ZNF608: variants seen among roughly 807,000 people sequenced by gnomAD.
The protein encoded by ZNF608 is zinc finger protein 608, also known as renal carcinoma antigen NY-REN-36.
A neutral mutation model predicts 109.0 loss-of-function variants in ZNF608; 12 were observed. The ratio of observed to expected loss-of-function variants is 0.11; its 90% CI spans 0.07 to 0.18. The LOEUF is 0.18. Among genes scored for constraint, ZNF608 ranks in the 10% least tolerant of loss-of-function variants. The pLI is 1.00. For missense variants in ZNF608, 1,707 were observed against 1,879.3 expected (o/e 0.91, Z 1.70); for synonymous variants, 732 against 717.4 (o/e 1.02, Z -0.33).
intron 2 of ZNF608, among the ~76,000 whole-genome samples, chr5:124,734,295 C>CA (rs774838670): frequency 1.3e-5 from 2 of 152,126 alleles, no homozygotes; most frequent in African/African-American, 2.4e-5. Flanking sequence ...CTTGAGAAAG[C>CA]AGTCTTTAAG....
intron 2 of ZNF608, among the ~76,000 whole-genome samples, chr5:124,715,176 T>A (rs1753643370): frequency 6.6e-6 from 1 of 152,142 alleles, no homozygotes; most frequent in South Asian, 2.1e-4. Flanking sequence ...ATGAAAATGG[T>A]CTCAAAAGAA....
intron 2 of ZNF608, among the ~76,000 whole-genome samples, chr5:124,736,193 G>A (rs1749132875): frequency 6.6e-6 from 1 of 152,148 alleles, no homozygotes; most frequent in African/African-American, 2.4e-5. Flanking sequence ...ACTAAAGCAC[G>A]GGAACACATA....
chr5:124,694,724 C>G (rs1216533462), intron 3 of ZNF608, among the ~76,000 whole-genome samples: 1 of 148,746 alleles, frequency 6.7e-6, no homozygotes, highest in Non-Finnish European at 1.5e-5. Context: ...CTCCCCCCTC[C>G]CCCACCCCAT....
chr5:124,643,687 C>T lies in ZNF608; in HGVS notation c.4124-4G>A, dbSNP rs758480161. Reference sequence around the variant, plus strand: ...AATCCTGGAGAGAGATATGCCCCTGCAGATAAACAACAAATGCCACATCAA... The same window carrying T: ...AATCCTGGAGAGAGATATGCCCCTGTAGATAAACAACAAATGCCACATCAA... On this transcript the variant is annotated splice_region_variant and splice_polypyrimidine_tract_variant and intron_variant, in intron 6 of 9. Transcript: ENST00000513986. 6.2e-7 allele frequency: 1 copy of T among 1,613,524 alleles called. No individual in the cohort carries two copies. The highest frequency in any genetic ancestry group is 1.1e-5 in the South Asian group (1 of 90,952).
intron 2 of ZNF608, among the ~76,000 whole-genome samples, chr5:124,729,201 C>T (rs1002562766): frequency 3.9e-5 from 6 of 152,196 alleles, no homozygotes; most frequent in African/African-American, 7.2e-5. Flanking sequence ...AAAGAAGGCT[C>T]GTCCTGACAC....
chr5:124,666,698 C>G (rs1751493781), intron 3 of ZNF608, among the ~76,000 whole-genome samples: 1 of 147,326 alleles, frequency 6.8e-6, no homozygotes, highest in African/African-American at 2.5e-5. Flanking sequence ...AAAATACAAA[C>G]TGGGTTTGCT....
At chr5:124,685,909 C>G (rs112755655) in intron 3 of ZNF608, among the ~76,000 whole-genome samples, 1 of 152,138 alleles carries the variant, frequency 6.6e-6, no homozygotes, top group Admixed American at 6.5e-5. Flanking sequence ...GATGGTGATG[C>G]TAAATCACAG....
In ZNF608 at chr5:124,746,227, A is replaced by G. The variant is rs977051399; in HGVS notation, c.-216T>C. 38 of 985,452 alleles carry G rather than the reference A, an allele frequency of 3.9e-5. No individual in the cohort carries two copies. Among genetic ancestry groups the G allele is most frequent in the Non-Finnish European group, 4.2e-5 (35 of 829,948 alleles). The allele number at this position is 985,452 out of a possible 1,614,324, so 61.0% of individuals were successfully genotyped here. A position where few individuals can be genotyped will look rare whatever the true frequency, so the allele number is the denominator to read the frequency against. ...TCCTTTATCATTTTTTAATTAGGCC[A>G]GCAAATCAAAATGCCTTTCCCACTC... On this transcript the variant is annotated 5_prime_UTR_variant, in exon 1 of 10. Transcript: ENST00000513986.
At position 124,647,937 on chromosome 5, in the gene ZNF608, T is replaced by C. The variant is rs937671010; in HGVS notation, c.2447A>G (p.Lys816Arg). Residue 816 changes from lysine (K) to arginine (R), a missense_variant, in exon 5 of 10, where the codon AAG becomes AGG. This residue lies in a region of ZNF608 where 1,073 missense variants were observed against 1,133.5 expected (regional missense o/e 0.95). Coordinates refer to ENST00000513986, the MANE Select transcript of ZNF608 (RefSeq NM_020747.3). ...CCCTTCTTTGTCCTTTAGCTTTCGC[T>C]TCTCCTTTTTCTTTTTGTCTTTGAG... ...VSLKDKKKKEKRKLKDKEGKE... is the reference protein window; with the variant it reads ...VSLKDKKKKERRKLKDKEGKE... 6.2e-7 allele frequency: 1 copy of C among 1,614,126 alleles called. No homozygotes were observed. Among genetic ancestry groups the C allele is most frequent in the African/African-American group, 1.3e-5 (1 of 75,020 alleles).
In ZNF608 at chr5:124,647,445, G is replaced by C; in HGVS notation, c.2939C>G (p.Ser980Cys). ...SSKDSVVKGH[S>C]STTAQSSQLK... ...TTGAGATGATTGTGCTGTAGTTGAA[G>C]AATGCCCTTTTACAACACTGTCCTT... Residue 980 changes from serine (S) to cysteine (C), a missense_variant, in exon 5 of 10, where the codon TCT becomes TGT. Around this residue, in one of 7 missense-constraint regions of ZNF608, gnomAD observed 1,073 missense variants for 1,133.5 expected, o/e 0.95. Transcript: ENST00000513986. The C allele has an allele frequency of 2.5e-6, 4 of 1,614,220 alleles. No homozygotes were observed. The highest frequency in any genetic ancestry group is 3.4e-6 in the Non-Finnish European group (4 of 1,180,034).
chr5:124,678,765 GGTAA>G lies in ZNF608; in HGVS notation c.1162+22245_1162+22248del, dbSNP rs547843992. 1.1e-4 allele frequency among the ~76,000 whole-genome samples: 17 copies of G among 152,290 alleles called. 1 individual carries two copies. The South Asian group carries it at 3.5e-3, about 32-fold the overall frequency. ...CCCTCTGATTCTTCCTTTCCCAACAGGTAAGTGACTGGACTCTAGTGCTCCTTCC... is the reference window on the plus strand; with the variant it reads ...CCCTCTGATTCTTCCTTTCCCAACAGGTGACTGGACTCTAGTGCTCCTTCC... On this transcript the variant is annotated intron_variant, in intron 3 of 9. Transcript: ENST00000513986.
intron 2 of ZNF608, among the ~76,000 whole-genome samples, chr5:124,733,366 T>C (rs908041135): frequency 2.0e-5 from 3 of 152,146 alleles, no homozygotes; most frequent in African/African-American, 7.2e-5. Context: ...AAGCATGTAA[T>C]GCTTCCAAGA....
rs6862252 is a variant in ZNF608 at position 124,648,222 on chromosome 5, G to C, written c.2162C>G (p.Thr721Ser). Residue 721 changes from threonine to serine, a missense_variant, in exon 5 of 10, where the codon ACC becomes AGC. Thr to Ser is a moderately conservative substitution (Grantham distance 58). Coordinates refer to ENST00000513986, the MANE Select transcript of ZNF608 (RefSeq NM_020747.3). ...LGDKEKGKKA[T>S]NCKTDKNLSK... is the part of the protein sequence containing the mutation. Reference sequence around the variant, plus strand: ...GAGGTTTTTGTCCGTTTTGCAGTTGGTAGCTTTTTTGCCCTTTTCTTTATC... The same window carrying C: ...GAGGTTTTTGTCCGTTTTGCAGTTGCTAGCTTTTTTGCCCTTTTCTTTATC... 1 of 1,613,686 alleles carries C rather than the reference G, an allele frequency of 6.2e-7. No individual in the cohort carries two copies. Among genetic ancestry groups the C allele is most frequent in the South Asian group, 1.1e-5 (1 of 91,074 alleles).
intron 3 of ZNF608, among the ~76,000 whole-genome samples, chr5:124,668,663 A>G (rs1751584978): frequency 6.6e-6 from 1 of 152,190 alleles, no homozygotes; most frequent in Non-Finnish European, 1.5e-5. Flanking sequence ...GGCTCTCAGC[A>G]CTTCTCCAGT....
At chr5:124,716,043 T>C (rs1270000461) in intron 2 of ZNF608, among the ~76,000 whole-genome samples, 1 of 146,590 alleles carries the variant, frequency 6.8e-6, no homozygotes, top group African/African-American at 2.5e-5. Context: ...CTGGGGAGGC[T>C]GAGGCAGGAG....
At chr5:124,735,493 G>T (rs1219762038) in intron 2 of ZNF608, among the ~76,000 whole-genome samples, 1 of 152,230 alleles carries the variant, frequency 6.6e-6, no homozygotes, top group Non-Finnish European at 1.5e-5. Context: ...GGGACCTGCT[G>T]AAGAAACCAG....
intron 2 of ZNF608, among the ~76,000 whole-genome samples, chr5:124,705,324 C>A (rs549310480): frequency 6.6e-6 from 1 of 152,154 alleles, no homozygotes; most frequent in Non-Finnish European, 1.5e-5. Context: ...CAAATGCTGA[C>A]CCTGTCAGTA....
In ZNF608 at chr5:124,643,699, A is replaced by G; in HGVS notation, c.4124-16T>C. On this transcript the variant is annotated splice_polypyrimidine_tract_variant and intron_variant, in intron 6 of 9. Transcript: ENST00000513986. ...AGATATGCCCCTGCAGATAAACAACAAATGCCACATCAAGTTACAGGCTAT... is the reference window on the plus strand; with the variant it reads ...AGATATGCCCCTGCAGATAAACAACGAATGCCACATCAAGTTACAGGCTAT... 10 of 1,613,432 alleles carry G rather than the reference A, an allele frequency of 6.2e-6. No homozygotes were observed. The highest frequency in any genetic ancestry group is 7.6e-6 in the Non-Finnish European group (9 of 1,179,642).
chr5:124,747,721 G>A (rs1045643601), upstream of ZNF608, among the ~76,000 whole-genome samples: 5 of 151,958 alleles, frequency 3.3e-5, no homozygotes, highest in African/African-American at 1.2e-4. Flanking sequence ...TTCGGAAGGA[G>A]CGAAATGTAA....
Sources: gnomAD v4.1 joint callset for allele counts (sites outside exome capture counted in the v4.1 genomes callset) on GRCh38, gnomAD v4.1.1 for gene constraint, gnomAD v4.1.1 regional missense constraint, MANE v1.5 for transcripts, NCBI Gene and HGNC (gene_info 2026-07-23, HGNC 2026-07-21) for gene names.